Variants in GPAT3 observed in about 807,000 individuals in gnomAD.
GPAT3 encodes 1-AGP acyltransferase 9.
GPAT3 carries 53 observed loss-of-function variants against 58.8 expected under a neutral mutation model. The observed-to-expected ratio is 0.90, with a 90% CI of 0.72 to 1.13. The LOEUF is 1.13. Ranked by LOEUF, GPAT3 falls within the 50% of genes most tolerant of loss-of-function variation. The pLI is 0.00. For synonymous variants in GPAT3, 197 were observed against 187.4 expected (o/e 1.05, Z -0.42); for missense variants, 511 against 527.6 (o/e 0.97, Z 0.31).
At chr4:83,581,901 G>A (rs1726150645) in intron 3 of GPAT3, 69 bp downstream of exon 3, 2 of 1,536,622 alleles carry the variant, frequency 1.3e-6, no homozygotes, top group African/African-American at 2.8e-5. Flanking sequence ...TGTACATAAT[G>A]GCCACGTAAG....
chr4:83,557,519 A>G (rs758023923), intron 2 of GPAT3, among the ~76,000 whole-genome samples: 8 of 106,632 alleles, frequency 7.5e-5, no homozygotes, highest in Non-Finnish European at 1.5e-4. Flanking sequence ...TGATGAGCTT[A>G]AAAAAAAATT....
At position 83,590,198 on chromosome 4, in the gene GPAT3, G is replaced by A. The variant is rs145365518; in HGVS notation, c.645-1G>A. On this transcript the variant is annotated splice_acceptor_variant, in intron 5 of 11. Coordinates refer to ENST00000264409, the MANE Select transcript of GPAT3 (RefSeq NM_032717.5). LOFTEE classifies it high-confidence loss of function. ...GAATTTTCCATTGTTTGTAATTGCA[G>A]GCAGTACAGACCCCAGAAGGGAGGC... 1.6e-5 allele frequency: 26 copies of A among 1,612,306 alleles called. No homozygotes were observed. Among genetic ancestry groups the A allele is most frequent in the Non-Finnish European group, 2.2e-5 (26 of 1,179,312 alleles).
intron 2 of GPAT3, among the ~76,000 whole-genome samples, chr4:83,566,443 A>ATTATTT (rs1553945454): frequency 2.7e-5 from 4 of 148,126 alleles, no homozygotes; most frequent in African/African-American, 4.9e-5. Context: ...TATTATTATT[A>ATTATTT]TTATTTTTAA....
intron 11 of GPAT3, 64 bp downstream of exon 11, chr4:83,598,787 T>TTTTTTTTTG (rs1726948974): frequency 3.0e-6 from 3 of 1,013,030 alleles, no homozygotes; most frequent in Non-Finnish European, 2.8e-6. Context: ...TTTTTTTTTT[T>TTTTTTTTTG]AGAGAATGCC....
At chr4:83,544,348 CA>C (rs1216589061) in intron 1 of GPAT3, among the ~76,000 whole-genome samples, 187 bp from the exon 2 acceptor site, 3 of 152,070 alleles carry the variant, frequency 2.0e-5, no homozygotes, top group Non-Finnish European at 4.4e-5. Flanking sequence ...AGGGTATTAT[CA>C]GTAAGTGATA....
At chr4:83,565,166 T>C (rs1337898017) in intron 2 of GPAT3, among the ~76,000 whole-genome samples, 1 of 152,092 alleles carries the variant, frequency 6.6e-6, no homozygotes, top group Non-Finnish European at 1.5e-5. Context: ...AGTGGCGCAA[T>C]CTCAACTCAC....
At chr4:83,601,710 T>A (rs1354854910) in intron 11 of GPAT3, among the ~76,000 whole-genome samples, 1 of 152,236 alleles carries the variant, frequency 6.6e-6, no homozygotes, top group Non-Finnish European at 1.5e-5. Context: ...GCTGAGATCG[T>A]GCCACTGCAC....
intron 2 of GPAT3, among the ~76,000 whole-genome samples, chr4:83,570,898 G>A (rs937987983): frequency 6.6e-6 from 1 of 152,146 alleles, no homozygotes; most frequent in African/African-American, 2.4e-5. Flanking sequence ...GTAGGCTCAT[G>A]TGATTACCCC....
chr4:83,569,710 CT>C (rs1725531952), intron 2 of GPAT3, among the ~76,000 whole-genome samples: 1 of 152,162 alleles, frequency 6.6e-6, no homozygotes, highest in African/African-American at 2.4e-5. Context: ...CTGGGGACCA[CT>C]TGGTGCACCA....
intron 2 of GPAT3, among the ~76,000 whole-genome samples, chr4:83,563,584 C>T (rs1362915683): frequency 1.1e-4 from 17 of 149,906 alleles, no homozygotes; most frequent in East Asian, 2.0e-4. Context: ...CAGGTCCAAG[C>T]GATTCTCCTG....
At chr4:83,535,887 C>A, upstream of GPAT3, 8 of 985,466 alleles carry the variant, frequency 8.1e-6, no homozygotes, top group Non-Finnish European at 9.6e-6. Context: ...GTTCATTCTG[C>A]GGGTGAAGAA....
intron 2 of GPAT3, among the ~76,000 whole-genome samples, chr4:83,547,292 A>AG: frequency 8.4e-6 from 1 of 119,300 alleles, no homozygotes; most frequent in South Asian, 2.6e-4. Context: ...TTGCTCTGTC[A>AG]CCCAGGCTGG....
chr4:83,590,135 A>G (rs1026928225), intron 5 of GPAT3, 64 bp from the exon 6 acceptor site: 3 of 1,422,200 alleles, frequency 2.1e-6, no homozygotes, highest in Middle Eastern at 3.6e-4. Context: ...AAAAAGTAAG[A>G]TGAGTATTTA....
intron 2 of GPAT3, among the ~76,000 whole-genome samples, chr4:83,562,236 A>ATAATATATATATATATATAAT: frequency 1.3e-5 from 1 of 74,124 alleles, no homozygotes; most frequent in African/African-American, 5.3e-5. Context: ...ATATATATAT[A>ATAATATATATATATATATAAT]ATATATATAT....
intron 4 of GPAT3, among the ~76,000 whole-genome samples, chr4:83,587,960 A>G (rs1427496363): frequency 6.6e-6 from 1 of 152,190 alleles, no homozygotes; most frequent in Non-Finnish European, 1.5e-5. Flanking sequence ...AATTTGTCAT[A>G]ATAGCCTAGT....
chr4:83,562,785 T>C (rs1725227075), intron 2 of GPAT3, among the ~76,000 whole-genome samples: 1 of 140,512 alleles, frequency 7.1e-6, no homozygotes, highest in Admixed American at 7.2e-5. Context: ...CAGAGAGAGA[T>C]AGAAAGAGAT....
chr4:83,574,218 C>T, intron 2 of GPAT3, among the ~76,000 whole-genome samples: 1 of 152,184 alleles, frequency 6.6e-6, no homozygotes, highest in African/African-American at 2.4e-5. Flanking sequence ...ATATAAGCTA[C>T]TGTATCTTCT....
chr4:83,594,697 T>C, intron 6 of GPAT3, 148 bp from the exon 7 acceptor site: 3 of 604,780 alleles, frequency 5.0e-6, no homozygotes, highest in Non-Finnish European at 8.7e-6. Flanking sequence ...CATTTGGCCT[T>C]TCAGACTATT....
At position 83,578,988 on chromosome 4, in the gene GPAT3, C is replaced by CTTT. The variant is rs1560620751; in HGVS notation, c.209-2574_209-2573insTTT. The stretch of plus-strand genomic sequence containing the variant: ...TCTTTCTTTCTTTCTTTCTTTCTTT[C>CTTT]CTTCCTTCCTTCCTTCCTTCCTTCT... On this transcript the variant is annotated intron_variant, in intron 2 of 11. Coordinates refer to ENST00000264409, the MANE Select transcript of GPAT3 (RefSeq NM_032717.5). Among the ~76,000 whole-genome samples the CTTT allele has an allele frequency of 3.7e-4, 39 of 104,664 alleles. 4 individuals carry two copies. The highest frequency in any genetic ancestry group is 1.2e-3 in the African/African-American group (26 of 21,676). The allele number at this position is 104,664 out of a possible 152,430, so 68.7% of individuals were successfully genotyped here.
Sources: gnomAD v4.1 joint callset for allele counts (sites outside exome capture counted in the v4.1 genomes callset) on GRCh38, gnomAD v4.1.1 for gene constraint, MANE v1.5 for transcripts, NCBI Gene and HGNC (gene_info 2026-07-23, HGNC 2026-07-21) for gene names.